The following PKN3 variants were observed in gnomAD, a reference collection of about 807,000 sequenced individuals.
PKN3 encodes the protein serine/threonine-protein kinase N3.
PKN3 carries 91 observed loss-of-function variants against 113.1 expected under a neutral mutation model. That is an observed-to-expected ratio of 0.80 (90% confidence interval 0.68 to 0.96). The LOEUF (loss-of-function observed/expected upper bound fraction) is 0.96. Ranked by LOEUF, PKN3 falls within the 40% of genes least tolerant of loss-of-function variation. The pLI is 0.00. For synonymous variants in PKN3, 467 were observed against 499.0 expected, an observed-to-expected ratio of 0.94 and a Z score of 0.85; for missense variants, 1,052 against 1,202.2, an observed-to-expected ratio of 0.88 and a Z score of 1.85.
rs1862314534 is a variant in PKN3, at chr9:128,715,520, G to A, written c.1808+60G>A. The A allele has an allele frequency of 7.6e-7, 1 of 1,307,466 alleles. No individual in the cohort carries two copies. The highest frequency in any genetic ancestry group is 1.1e-6 in the Non-Finnish European group (1 of 906,228). The allele number at this position is 1,307,466 out of a possible 1,614,324, so 81.0% of individuals were successfully genotyped here. On this transcript the variant is annotated intron_variant, in intron 15 of 21. Coordinates refer to ENST00000291906, the MANE Select transcript of PKN3 (RefSeq NM_013355.5). This position sits in a 1 kb window ranked among gnomAD's most constrained non-coding sequence, Gnocchi z 4.1. Reference sequence around the variant, plus strand: ...TGGCCTGGGCTGTGGCATCCAGAGGGCAGTTGAAGGTTCCTGGGGCTTTGG... The same window carrying A: ...TGGCCTGGGCTGTGGCATCCAGAGGACAGTTGAAGGTTCCTGGGGCTTTGG...
Position 128,714,275 on chromosome 9 carries a change from C to G in PKN3, c.1391C>G (p.Pro464Arg). 2 of 1,613,666 alleles carry G rather than the reference C, an allele frequency of 1.2e-6. No homozygotes were observed. The highest frequency in any genetic ancestry group is 2.2e-5 in the South Asian group (2 of 91,070). Residue 464 changes from proline to arginine, a missense_variant, in exon 11 of 22, where the codon CCC becomes CGC. Coordinates refer to ENST00000291906, the MANE Select transcript of PKN3 (RefSeq NM_013355.5). ...CGCCTCGTCATGAACCTGCTGCCCC[C>G]CTGCAGCTCCCCGAGCACAATCAGC... ...WGRLVMNLLP[P>R]CSSPSTISPP...
intron 18 of PKN3, among the ~76,000 whole-genome samples, chr9:128,718,951 A>G (rs902197394): frequency 2.3e-4 from 32 of 140,742 alleles, no homozygotes; most frequent in Admixed American, 1.3e-3. Flanking sequence ...GATGCAATGC[A>G]GTGGTGCAGT....
chr9:128,715,369 G>T lies in PKN3; in HGVS notation c.1717G>T (p.Val573Phe), dbSNP rs1862308852. 1 of 1,613,698 alleles carries T rather than the reference G, an allele frequency of 6.2e-7. No individual in the cohort carries two copies. Among genetic ancestry groups the T allele is most frequent in the South Asian group, 1.1e-5 (1 of 91,082 alleles). Residue 573 changes from valine to phenylalanine, a missense_variant and splice_region_variant, in exon 15 of 22, where the codon GTC (valine) becomes TTC (phenylalanine). Coordinates refer to ENST00000291906, the MANE Select transcript of PKN3 (RefSeq NM_013355.5). This position sits in a 1 kb window ranked among gnomAD's most constrained non-coding sequence, Gnocchi z 4.1. ...GAGCACAACCTCTCTCTGGCCCCAGGTCCTCCTGGTCCAGTTCAAGGGGAC... is the reference window on the plus strand; with the variant it reads ...GAGCACAACCTCTCTCTGGCCCCAGTTCCTCCTGGTCCAGTTCAAGGGGAC... ...AVLGRGHFGK[V>F]LLVQFKGTGK... is the part of the protein sequence containing the mutation.
Position 128,714,607 on chromosome 9 carries a change from C to A in PKN3, c.1527C>A (p.Pro509=). 7.0e-7 allele frequency: 1 copy of A among 1,418,854 alleles called. No individual in the cohort carries two copies. Among genetic ancestry groups the A allele is most frequent in the Non-Finnish European group, 1.0e-6 (1 of 1,001,848 alleles). 87.9% of individuals were successfully genotyped at this position (1,418,854 alleles called of 1,614,324 possible). The change falls in exon 12 of 22, where the codon CCC becomes CCA. Residue 509 remains proline (P), a synonymous_variant. Transcript: ENST00000291906. ...CCCCCTTGGGTGAAGAGATGACACC[C>A]CCACCCAAGCCCCCACGCCTCTACC... The part of the protein sequence containing the change: ...KKTPLGEEMT[P]PPKPPRLYLP...
At chr9:128,714,510 C>T in intron 11 of PKN3, 52 bp from the exon 12 acceptor site, 1 of 971,930 alleles carries the variant, frequency 1.0e-6, no homozygotes, top group South Asian at 1.3e-5. Flanking sequence ...GTCCATCCTG[C>T]CAGCTCTTGC....
At position 128,716,920 on chromosome 9, in the gene PKN3, C is replaced by G. The variant is rs56147168; in HGVS notation, c.1982C>G (p.Ala661Gly). The change falls in exon 16 of 22, where the codon GCC (alanine) becomes GGC (glycine). Residue 661 changes from alanine (A) to glycine (G), a missense_variant. Ala to Gly is a moderately conservative substitution (Grantham distance 60). This residue lies in a region of PKN3 where 333 missense variants were observed against 442.8 expected (regional missense o/e 0.75). Coordinates refer to ENST00000291906, the MANE Select transcript of PKN3 (RefSeq NM_013355.5). The part of the protein sequence containing the change: ...IHEDVFPEPQ[A>G]RFYVACVVLG... ...GAGGATGTCTTCCCCGAGCCCCAGGCCCGGTGGGTTCCATCCCTCCTGCCT... is the reference window on the plus strand; with the variant it reads ...GAGGATGTCTTCCCCGAGCCCCAGGGCCGGTGGGTTCCATCCCTCCTGCCT... The G allele has an allele frequency of 6.2e-7, 1 of 1,613,450 alleles. No individual in the cohort carries two copies. Among genetic ancestry groups the G allele is most frequent in the Non-Finnish European group, 8.5e-7 (1 of 1,179,732 alleles).
chr9:128,718,686 A>G (rs935624391), intron 18 of PKN3, 61 bp downstream of exon 18: 2 of 1,451,736 alleles, frequency 1.4e-6, no homozygotes, highest in Non-Finnish European at 1.9e-6. Context: ...GGCCAATAGG[A>G]TGATGGGCAC....
Position 128,720,635 on chromosome 9 carries a change from C to A in PKN3, c.*29C>A. 1 of 1,577,208 alleles carries A rather than the reference C, an allele frequency of 6.3e-7. No individual in the cohort carries two copies. Among genetic ancestry groups the A allele is most frequent in the Non-Finnish European group, 8.7e-7 (1 of 1,151,070 alleles). ...CATCTCCTGGCACCTCTGTCCCCTT[C>A]CCCCACAGACTGTTAGAGCCTCTGC... On this transcript the variant is annotated 3_prime_UTR_variant, in exon 22 of 22. Transcript: ENST00000291906. This position sits in a 1 kb window ranked among gnomAD's most constrained non-coding sequence, Gnocchi z 5.5.
chr9:128,708,862 A>C (rs1862097859), intron 6 of PKN3, among the ~76,000 whole-genome samples: 1 of 150,522 alleles, frequency 6.6e-6, no homozygotes, highest in African/African-American at 2.5e-5. Context: ...AAAAAGAAAG[A>C]GTTTTCTGGT....
At chr9:128,718,767 G>A (rs1484644508) in intron 18 of PKN3, 142 bp downstream of exon 18, 6 of 758,146 alleles carry the variant, frequency 7.9e-6, no homozygotes, top group Non-Finnish European at 2.3e-6. Flanking sequence ...CATTCCAGGG[G>A]ACAGCTGGGC....
chr9:128,719,894 G>A lies in PKN3; in HGVS notation c.2269-16G>A. The A allele has an allele frequency of 6.2e-7, 1 of 1,613,144 alleles. No individual in the cohort carries two copies. Among genetic ancestry groups the A allele is most frequent in the Non-Finnish European group, 8.5e-7 (1 of 1,179,168 alleles). On this transcript the variant is annotated splice_polypyrimidine_tract_variant and intron_variant, in intron 19 of 21. Coordinates refer to ENST00000291906, the MANE Select transcript of PKN3 (RefSeq NM_013355.5). The stretch of plus-strand genomic sequence containing the variant: ...TGGGGTGGCCCGTGCATCCTGCTGA[G>A]CCCCCATCTCCACAGTGCCCGTTCC...
In PKN3 at chr9:128,705,720, AC is replaced by A. The variant is rs772104992; in HGVS notation, c.266-9del. On this transcript the variant is annotated splice_polypyrimidine_tract_variant and intron_variant, in intron 2 of 21. Coordinates refer to ENST00000291906, the MANE Select transcript of PKN3 (RefSeq NM_013355.5). ...TGGGTGAGGGACTCCTGTGCTCGAT[AC>A]CCCCGTGCACAGAGCCTGTGGCCTC... The A allele has an allele frequency of 8.1e-6, 13 of 1,595,214 alleles. No individual in the cohort carries two copies. In the African/African-American group the frequency reaches 1.3e-4, roughly 16 times the overall value.
chr9:128,716,738 C>G lies in PKN3; in HGVS notation c.1809-9C>G. On this transcript the variant is annotated splice_polypyrimidine_tract_variant and intron_variant, in intron 15 of 21. Coordinates refer to ENST00000291906, the MANE Select transcript of PKN3 (RefSeq NM_013355.5). ...TCCTTCCCTCTAATACTCTTGCTCT[C>G]TCCTGTAGCCTGTACTGCGAGAAGC... 1 of 1,612,678 alleles carries G rather than the reference C, an allele frequency of 6.2e-7. No individual in the cohort carries two copies. Among genetic ancestry groups the G allele is most frequent in the Non-Finnish European group, 8.5e-7 (1 of 1,178,970 alleles).
rs1303765944 is a variant in PKN3, at chr9:128,702,894, C to A, written c.-22C>A. ...GGACCGGAGTGGCTGAGAGAAGGGCCCCAAGCGGCCGGAGCGGCGCCATGG... is the reference window on the plus strand; with the variant it reads ...GGACCGGAGTGGCTGAGAGAAGGGCACCAAGCGGCCGGAGCGGCGCCATGG... On this transcript the variant is annotated 5_prime_UTR_variant, in exon 1 of 22. Coordinates refer to ENST00000291906, the MANE Select transcript of PKN3 (RefSeq NM_013355.5). 1 of 1,480,962 alleles carries A rather than the reference C, an allele frequency of 6.8e-7. No homozygotes were observed. Among genetic ancestry groups the A allele is most frequent in the Non-Finnish European group, 9.0e-7 (1 of 1,115,766 alleles). 91.7% of individuals were successfully genotyped at this position (1,480,962 alleles called of 1,614,324 possible).
At position 128,713,574 on chromosome 9, in the gene PKN3, G is replaced by A; in HGVS notation, c.1168G>A (p.Asp390Asn). Reference protein sequence around the residue: ...LCGVAFLRLEDFLDNACHQLS... With the variant: ...LCGVAFLRLENFLDNACHQLS... The stretch of plus-strand genomic sequence containing the variant: ...TGGCGTGGCCTTCCTGAGACTTGAG[G>A]ACTTCCTGGACAATGCCTGTCACCA... The change falls in exon 9 of 22, where the codon GAC becomes AAC. Residue 390 changes from aspartate (D) to asparagine (N), a missense_variant. Physicochemically the swap from Asp to Asn is conservative, Grantham distance 23. Transcript: ENST00000291906. 6.2e-7 allele frequency: 1 copy of A among 1,613,870 alleles called. No homozygotes were observed. Among genetic ancestry groups the A allele is most frequent in the South Asian group, 1.1e-5 (1 of 91,088 alleles).
At chr9:128,705,938 C>T (rs1862004029) in intron 3 of PKN3, 59 bp downstream of exon 3, 2 of 1,472,494 alleles carry the variant, frequency 1.4e-6, no homozygotes, top group South Asian at 1.4e-5. Context: ...CAGGGAAATG[C>T]ACCTCAGCCA....
chr9:128,718,947 A>G (rs1311639844), intron 18 of PKN3, among the ~76,000 whole-genome samples: 3 of 145,030 alleles, frequency 2.1e-5, no homozygotes, highest in African/African-American at 5.1e-5. Context: ...CCAGGATGCA[A>G]TGCAGTGGTG....
Position 128,713,053 on chromosome 9 carries a change from G to C in PKN3, c.837G>C (p.Gly279=). The change falls in exon 7 of 22, where the codon GGG becomes GGC. Residue 279 remains glycine (G), a splice_region_variant and synonymous_variant. Transcript: ENST00000291906. ...GCCCCCCGCTCACTCTCCCCACAGGGACACTGCAGGTCCGCCTCCTGGGCT... is the reference window on the plus strand; with the variant it reads ...GCCCCCCGCTCACTCTCCCCACAGGCACACTGCAGGTCCGCCTCCTGGGCT... ...GTPVKPTALT[G]TLQVRLLGCE... is the part of the protein sequence containing the mutation. 1 of 1,602,230 alleles carries C rather than the reference G, an allele frequency of 6.2e-7. No homozygotes were observed. The highest frequency in any genetic ancestry group is 8.5e-7 in the Non-Finnish European group (1 of 1,172,578).
chr9:128,705,113 G>C (rs1318188849), intron 1 of PKN3, among the ~76,000 whole-genome samples, 190 bp from the exon 2 acceptor site: 1 of 152,286 alleles, frequency 6.6e-6, no homozygotes, highest in South Asian at 2.1e-4. Flanking sequence ...GCCTGGCCTA[G>C]ATGAGTGGCC....
Sources: gnomAD v4.1 joint callset for allele counts (sites outside exome capture counted in the v4.1 genomes callset) on GRCh38, gnomAD v4.1.1 for gene constraint, gnomAD v4.1.1 regional missense constraint, Gnocchi (gnomAD v3.1) non-coding constraint, MANE v1.5 for transcripts, NCBI Gene and HGNC (gene_info 2026-07-23, HGNC 2026-07-21) for gene names.